NBL1: variants seen among roughly 807,000 people sequenced by gnomAD.
NBL1 encodes NBL1, DAN family BMP antagonist.
In NBL1, 9 loss-of-function variants were observed where a neutral mutation model predicts 16.0. The ratio of observed to expected loss-of-function variants is 0.56; its 90% CI spans 0.34 to 0.98. NBL1 has a LOEUF of 0.98. NBL1 is among the 50% of genes least tolerant of loss of function. NBL1 has a pLI of 0.02. For synonymous variants in NBL1, 86 were observed against 100.7 expected (o/e 0.85, Z 0.87); for missense variants, 196 against 243.1 (o/e 0.81, Z 1.29).
At chr1:19,643,886 G>A (rs1035011034), upstream of NBL1, 63 of 988,992 alleles carry the variant, frequency 6.4e-5, no homozygotes, top group Non-Finnish European at 7.1e-5. The surrounding 1 kb of genome is among the most constrained non-coding windows in gnomAD (Gnocchi z 4.7). Context: ...GCAATGCCCG[G>A]TGCCCACAAA....
Position 19,655,022 on chromosome 1 carries a change from G to GC in NBL1, c.-7dup. ...TGTGCTCCGTTCTAGGGCTCTGGAG[G>GC]CCACGGGCATGATGCTTCGGGTCCT... On this transcript the variant is annotated 5_prime_UTR_variant, in exon 2 of 4. Coordinates refer to ENST00000375136, the MANE Select transcript of NBL1 (RefSeq NM_005380.8). 12 of 1,601,192 alleles carry GC rather than the reference G, an allele frequency of 7.5e-6. No homozygotes were observed. The highest frequency in any genetic ancestry group is 9.4e-6 in the Non-Finnish European group (11 of 1,174,976).
At chr1:19,656,496 AG>A (rs1236229610) in intron 3 of NBL1, among the ~76,000 whole-genome samples, 1 of 149,980 alleles carries the variant, frequency 6.7e-6, no homozygotes. Context: ...AGAGTGGTGC[AG>A]GGTCAGGGGT....
At position 19,657,491 on chromosome 1, in the gene NBL1, C is replaced by T. The variant is rs2095062882; in HGVS notation, c.*362C>T. On this transcript the variant is annotated 3_prime_UTR_variant, in exon 4 of 4. Coordinates refer to ENST00000375136, the MANE Select transcript of NBL1 (RefSeq NM_005380.8). Reference sequence around the variant, plus strand: ...AAGATGGCATGAATCGGGCTAAGGTCCCTGGGGGTGCAGATGGTACTGCTG... The same window carrying T: ...AAGATGGCATGAATCGGGCTAAGGTTCCTGGGGGTGCAGATGGTACTGCTG... The T allele has an allele frequency of 6.2e-6, 1 of 162,436 alleles. No individual in the cohort carries two copies. The highest frequency in any genetic ancestry group is 2.4e-5 in the African/African-American group (1 of 41,618). The allele number at this position is 162,436 out of a possible 1,614,324, so 10.1% of individuals were successfully genotyped here. A position where few individuals can be genotyped will look rare whatever the true frequency, so the allele number is the denominator to read the frequency against.
chr1:19,655,262 C>G (rs1001080705), intron 2 of NBL1, 62 bp downstream of exon 2: 2 of 1,610,980 alleles, frequency 1.2e-6, no homozygotes, highest in Non-Finnish European at 1.7e-6. Context: ...GGAAGAGGAC[C>G]AGGGCTGCCC....
At chr1:19,650,669 G>A (rs1461879677) in intron 1 of NBL1, among the ~76,000 whole-genome samples, 2 of 152,096 alleles carry the variant, frequency 1.3e-5, no homozygotes, top group Non-Finnish European at 2.9e-5. Context: ...TGACCTTCAG[G>A]GCGGGAGGAA....
rs1351398554 is a variant in NBL1 at position 19,657,279 on chromosome 1, A to G, written c.*150A>G. On this transcript the variant is annotated 3_prime_UTR_variant, in exon 4 of 4. Coordinates refer to ENST00000375136, the MANE Select transcript of NBL1 (RefSeq NM_005380.8). ...CTTGAATGCTGCCCGGTTGCCATGG[A>G]GATCTGAAGGGGCGGGGTTAGAGCC... 1.3e-5 allele frequency: 7 copies of G among 543,218 alleles called. No individual in the cohort carries two copies. Among genetic ancestry groups the G allele is most frequent in the Non-Finnish European group, 2.3e-5 (7 of 303,984 alleles). 33.6% of individuals were successfully genotyped at this position (543,218 alleles called of 1,614,324 possible).
At chr1:19,648,544 C>T (rs934671417) in intron 1 of NBL1, among the ~76,000 whole-genome samples, 4 of 152,228 alleles carry the variant, frequency 2.6e-5, no homozygotes, top group African/African-American at 9.6e-5. Flanking sequence ...CCAAGACTTT[C>T]AGGAAAGCAA....
At chr1:19,652,161 T>G (rs1291514537) in intron 1 of NBL1, among the ~76,000 whole-genome samples, 1 of 152,106 alleles carries the variant, frequency 6.6e-6, no homozygotes, top group Non-Finnish European at 1.5e-5. Flanking sequence ...GGGTCAGATA[T>G]AGGAGGACAA....
Position 19,644,332 on chromosome 1 carries a change from C to G in NBL1, c.-134C>G. 1.0e-6 allele frequency: 1 copy of G among 979,276 alleles called. No individual in the cohort carries two copies. Among genetic ancestry groups the G allele is most frequent in the South Asian group, 4.7e-5 (1 of 21,286 alleles). The allele number at this position is 979,276 out of a possible 1,614,324, so 60.7% of individuals were successfully genotyped here. A position where few individuals can be genotyped will look rare whatever the true frequency, so the allele number is the denominator to read the frequency against. ...GGCCGCAGACAGCGCGCAGCGCAGC[C>G]CAGCCGAGCGTCGCGGGGCCGCCCC... On this transcript the variant is annotated 5_prime_UTR_variant, in exon 1 of 4. Coordinates refer to ENST00000375136, the MANE Select transcript of NBL1 (RefSeq NM_005380.8). This position sits in a 1 kb window ranked among gnomAD's most constrained non-coding sequence, Gnocchi z 4.6.
At position 19,657,334 on chromosome 1, in the gene NBL1, G is replaced by T. The variant is rs945925750; in HGVS notation, c.*205G>T. ...TGCACAATTTAATATATTCAAGAGT[G>T]GGGGGAGGAAGCAGAGGTCTTCAGG... On this transcript the variant is annotated 3_prime_UTR_variant, in exon 4 of 4. Coordinates refer to ENST00000375136, the MANE Select transcript of NBL1 (RefSeq NM_005380.8). 11 of 375,358 alleles carry T rather than the reference G, an allele frequency of 2.9e-5. No individual in the cohort carries two copies. The South Asian group carries it at 3.0e-4, about 10-fold the overall frequency. The allele number at this position is 375,358 out of a possible 1,614,324, so 23.3% of individuals were successfully genotyped here.
At chr1:19,645,378 A>G in intron 1 of NBL1, 3 of 986,402 alleles carry the variant, frequency 3.0e-6, no homozygotes, top group Non-Finnish European at 3.6e-6. Flanking sequence ...GATCGTTTAC[A>G]AGCGGCGGCA....
At chr1:19,645,927 T>C in intron 1 of NBL1, 1 of 1,550,228 alleles carries the variant, frequency 6.5e-7, no homozygotes, top group African/African-American at 1.4e-5. Context: ...TGGTGAGGTC[T>C]GCAGTGGAAC....
chr1:19,656,727 C>G (rs565172110), intron 3 of NBL1, 139 bp from the exon 4 acceptor site: 1 of 1,386,244 alleles, frequency 7.2e-7, no homozygotes, highest in East Asian at 2.5e-5. Context: ...TCCCCCTCCC[C>G]ATGGGACCCC....
At chr1:19,654,971 C>G in intron 1 of NBL1, 41 bp from the exon 2 acceptor site, 1 of 1,521,842 alleles carries the variant, frequency 6.6e-7, no homozygotes, top group Non-Finnish European at 8.8e-7. Context: ...CGGCCCCCTG[C>G]ACCTTGCTGT....
chr1:19,652,118 C>G (rs908334476), intron 1 of NBL1, among the ~76,000 whole-genome samples: 6 of 152,234 alleles, frequency 3.9e-5, no homozygotes, highest in African/African-American at 1.4e-4. Flanking sequence ...TCCCTGGCCC[C>G]CTGTGACCTG....
chr1:19,652,823 A>T (rs1201206707), intron 1 of NBL1, among the ~76,000 whole-genome samples: 1 of 151,844 alleles, frequency 6.6e-6, no homozygotes. Context: ...CCCCATCTCT[A>T]CTAAAAATAC....
At chr1:19,653,745 G>A (rs555849762) in intron 1 of NBL1, among the ~76,000 whole-genome samples, 91 of 152,360 alleles carry the variant, frequency 6.0e-4, no homozygotes, top group African/African-American at 2.1e-3. Flanking sequence ...CTTGAAGAAG[G>A]CACTGCCCTC....
Position 19,657,132 on chromosome 1 carries a change from C to T in NBL1, c.*3C>T. On this transcript the variant is annotated 3_prime_UTR_variant, in exon 4 of 4. Coordinates refer to ENST00000375136, the MANE Select transcript of NBL1 (RefSeq NM_005380.8). Reference sequence around the variant, plus strand: ...AGGAAGAGGGGGCTGAGGACTGAGGCCCCCCCAACTCTTCCTCCCCTCTCA... The same window carrying T: ...AGGAAGAGGGGGCTGAGGACTGAGGTCCCCCCAACTCTTCCTCCCCTCTCA... 1 of 1,327,190 alleles carries T rather than the reference C, an allele frequency of 7.5e-7. No individual in the cohort carries two copies. Among genetic ancestry groups the T allele is most frequent in the Non-Finnish European group, 1.0e-6 (1 of 981,354 alleles). 82.2% of individuals were successfully genotyped at this position (1,327,190 alleles called of 1,614,324 possible). A position where few individuals can be genotyped will look rare whatever the true frequency, so the allele number is the denominator to read the frequency against.
Position 19,655,217 on chromosome 1 carries a change from G to A in NBL1, c.170+17G>A, listed in dbSNP as rs1457135452. Reference sequence around the variant, plus strand: ...CCAGAACAGGTGGGACCCAAGGGGTGGGTGGGGGGATGCGGACAGGGGTCC... The same window carrying A: ...CCAGAACAGGTGGGACCCAAGGGGTAGGTGGGGGGATGCGGACAGGGGTCC... On this transcript the variant is annotated intron_variant, in intron 2 of 3. Transcript: ENST00000375136. 2 of 1,604,298 alleles carry A rather than the reference G, an allele frequency of 1.2e-6. No individual in the cohort carries two copies. Among genetic ancestry groups the A allele is most frequent in the South Asian group, 1.1e-5 (1 of 90,038 alleles).
Sources: allele counts gnomAD v4.1 joint callset (sites outside exome capture counted in the v4.1 genomes callset), GRCh38; gene constraint gnomAD v4.1.1; non-coding constraint Gnocchi (gnomAD v3.1); transcripts MANE v1.5; gene names NCBI Gene and HGNC (gene_info 2026-07-23, HGNC 2026-07-21).